Variants in KANK2 observed in about 807,000 individuals in gnomAD.
KANK2 encodes KN motif and ankyrin repeat domains 2.
In KANK2, 41 loss-of-function variants were observed where a neutral mutation model predicts 74.6. The observed-to-expected ratio is 0.55, with a 90% CI of 0.43 to 0.71. The LOEUF (loss-of-function observed/expected upper bound fraction) is 0.71. Ranked by LOEUF, KANK2 falls within the 30% of genes least tolerant of loss-of-function variation. The pLI, the probability that KANK2 is intolerant of heterozygous loss-of-function variation, is 0.00. For synonymous variants in KANK2, 537 were observed against 519.0 expected, an observed-to-expected ratio of 1.03 and a Z score of -0.47; for missense variants, 1,148 against 1,196.4, an observed-to-expected ratio of 0.96 and a Z score of 0.60.
rs747159035 is a variant in KANK2, at chr19:11,193,555, G to A, written c.525C>T (p.Ser175=). 5.6e-6 allele frequency: 9 copies of A among 1,603,050 alleles called. No individual in the cohort carries two copies. The African/African-American group carries it at 1.1e-4, about 19-fold the overall frequency. The change falls in exon 4 of 13, where the codon TCC becomes TCT. Residue 175 remains serine (S), a synonymous_variant. Transcript: ENST00000586659. This position sits in a 1 kb window ranked among gnomAD's most constrained non-coding sequence, Gnocchi z 9.6. ...GCCCGGCACTGGGAGGCACCGGTGT[G>A]GACAGTCCTGAACTCCGTGGTGTCG... ...PPPTPRSSGL[S]TPVPPSAGHL...
Position 11,193,304 on chromosome 19 carries a change from G to A in KANK2, c.776C>T (p.Pro259Leu), listed in dbSNP as rs200491322. 3 of 1,612,142 alleles carry A rather than the reference G, an allele frequency of 1.9e-6. No individual in the cohort carries two copies. The highest frequency in any genetic ancestry group is 2.5e-6 in the Non-Finnish European group (3 of 1,179,906). The change falls in exon 4 of 13, where the codon CCA becomes CTA. Residue 259 changes from proline (P) to leucine (L), a missense_variant. Pro to Leu is a moderately conservative substitution (Grantham distance 98). Transcript: ENST00000586659. This position sits in a 1 kb window ranked among gnomAD's most constrained non-coding sequence, Gnocchi z 9.6. ...CLDLPDPPED[P>L]VALETRSVGT... ...CACACTCCGGGTCTCCAGTGCCACTGGGTCCTCTGGGGGATCGGGGAGGTC... is the reference window on the plus strand; with the variant it reads ...CACACTCCGGGTCTCCAGTGCCACTAGGTCCTCTGGGGGATCGGGGAGGTC...
intron 4 of KANK2, among the ~76,000 whole-genome samples, chr19:11,180,634 G>A (rs1013211419): frequency 5.3e-5 from 8 of 152,106 alleles, no homozygotes; most frequent in African/African-American, 1.7e-4. Context: ...CTCATGAGTG[G>A]GGAACTGAGC....
Position 11,170,240 on chromosome 19 carries a change from C to A in KANK2, c.2220G>T (p.Gln740His), listed in dbSNP as rs776747613. ...GGCTGACGGCCAGCATCAGGGCCGT[C>A]TGTCCTGCCTGGGGAGGGCAAGGAA... ...NINAKASQAG[Q>H]TALMLAVSHG... is the part of the protein sequence containing the mutation. Residue 740 changes from glutamine (Q) to histidine (H), a missense_variant, in exon 11 of 13, where the codon CAG becomes CAT. Gln to His is a conservative substitution (Grantham distance 24). Transcript: ENST00000586659. This position sits in a 1 kb window ranked among gnomAD's most constrained non-coding sequence, Gnocchi z 5.2. The A allele has an allele frequency of 6.2e-7, 1 of 1,609,486 alleles. No homozygotes were observed. The highest frequency in any genetic ancestry group is 8.5e-7 in the Non-Finnish European group (1 of 1,179,982).
Position 11,194,418 on chromosome 19 carries a change from C to G in KANK2, c.37+57G>C, listed in dbSNP as rs1600828249. On this transcript the variant is annotated intron_variant, in intron 3 of 12. Coordinates refer to ENST00000586659, the MANE Select transcript of KANK2 (RefSeq NM_001136191.3). ...CCCAGGGCAAGGTCCCCAGCCCCCT[C>G]AGGCCTCCAGAACTGAAGCTCCCCG... is the stretch of plus-strand genomic sequence containing the variant. The G allele has an allele frequency of 8.4e-6, 12 of 1,425,018 alleles. No homozygotes were observed. In the East Asian group the frequency reaches 2.7e-4, roughly 32 times the overall value. The allele number at this position is 1,425,018 out of a possible 1,614,324, so 88.3% of individuals were successfully genotyped here.
chr19:11,197,839 C>CGGAACGGCTCGGCGGCGGGA (rs2079068438), upstream of KANK2: 1 of 151,908 alleles, frequency 6.6e-6, no homozygotes, highest in Admixed American at 6.6e-5. Context: ...CTGCGGGGGG[C>CGGAACGGCTCGGCGGCGGGA]GGAACGGCTC....
Position 11,181,116 on chromosome 19 carries a change from A to AAG in KANK2, c.1250-2397_1250-2396insCT, listed in dbSNP as rs2078504733. On this transcript the variant is annotated intron_variant, in intron 4 of 12. Transcript: ENST00000586659. ...AAAAAAAAAAAAAAAAAAAAAAAAA[A>AAG]TTCTGGGAGAGCCAAAAAATGAGGT... Among the ~76,000 whole-genome samples, 6 of 146,116 alleles carry AAG rather than the reference A, an allele frequency of 4.1e-5. 1 individual carries two copies. In the East Asian group the frequency reaches 1.2e-3, roughly 30 times the overall value.
intron 10 of KANK2, among the ~76,000 whole-genome samples, chr19:11,171,410 G>A (rs1600806696): frequency 6.6e-6 from 1 of 151,728 alleles, no homozygotes; most frequent in Non-Finnish European, 1.5e-5. Context: ...TTGCACCACT[G>A]CACTCCAGCC....
At position 11,166,334 on chromosome 19, in the gene KANK2, C is replaced by T. The variant is rs555281316; in HGVS notation, c.*224G>A. ...TATACAAGAATTTTGCTTCGGTCTGCGCTGTGGCCACTTTGAACAGGGGAG... is the reference window on the plus strand; with the variant it reads ...TATACAAGAATTTTGCTTCGGTCTGTGCTGTGGCCACTTTGAACAGGGGAG... On this transcript the variant is annotated 3_prime_UTR_variant, in exon 13 of 13. Coordinates refer to ENST00000586659, the MANE Select transcript of KANK2 (RefSeq NM_001136191.3). 3.9e-4 allele frequency: 216 copies of T among 555,410 alleles called. No individual in the cohort carries two copies. Among genetic ancestry groups the T allele is most frequent in the African/African-American group, 2.7e-4 (14 of 52,698 alleles). The allele number at this position is 555,410 out of a possible 1,614,324, so 34.4% of individuals were successfully genotyped here. A position where few individuals can be genotyped will look rare whatever the true frequency, so the allele number is the denominator to read the frequency against.
chr19:11,170,533 G>A lies in KANK2; in HGVS notation c.2212-285C>T, dbSNP rs1600806086. Reference sequence around the variant, plus strand: ...TGAAGAGAACGTTCTGGAACTAGACGGAGGTGTTGGTTGCACAACAGGGTG... The same window carrying A: ...TGAAGAGAACGTTCTGGAACTAGACAGAGGTGTTGGTTGCACAACAGGGTG... On this transcript the variant is annotated intron_variant, in intron 10 of 12. Coordinates refer to ENST00000586659, the MANE Select transcript of KANK2 (RefSeq NM_001136191.3). This position sits in a 1 kb window ranked among gnomAD's most constrained non-coding sequence, Gnocchi z 5.2. 8 of 509,792 alleles carry A rather than the reference G, an allele frequency of 1.6e-5. No homozygotes were observed. Among genetic ancestry groups the A allele is most frequent in the South Asian group, 6.8e-5 (3 of 44,006 alleles). 31.6% of individuals were successfully genotyped at this position (509,792 alleles called of 1,614,324 possible). A position where few individuals can be genotyped will look rare whatever the true frequency, so the allele number is the denominator to read the frequency against.
At chr19:11,180,518 G>A (rs2078484104) in intron 4 of KANK2, among the ~76,000 whole-genome samples, 2 of 152,096 alleles carry the variant, frequency 1.3e-5, no homozygotes, top group Non-Finnish European at 2.9e-5. Context: ...AGGGCCGGCT[G>A]CATGAGACAC....
rs199981469 is a variant in KANK2, at chr19:11,174,580, C to G, written c.1961G>C (p.Arg654Pro). The G allele has an allele frequency of 1.9e-6, 3 of 1,613,336 alleles. No individual in the cohort carries two copies. The highest frequency in any genetic ancestry group is 2.7e-5 in the African/African-American group (2 of 75,050). Residue 654 changes from arginine to proline, a missense_variant, in exon 9 of 13, where the codon CGG (arginine) becomes CCG (proline). By Grantham distance (103) the Arg-to-Pro change is moderately radical (BLOSUM62 -2). Coordinates refer to ENST00000586659, the MANE Select transcript of KANK2 (RefSeq NM_001136191.3). ...GATGTTGACCACGTAGTCCAGCAGC[C>G]GCGCAGACATGGCCCGGAACGTGAC... ...HLVTFRAMSA[R>P]LLDYVVNIAD...
At chr19:11,176,040 T>C in intron 7 of KANK2, 51 bp from the exon 8 acceptor site, 11 of 1,440,094 alleles carry the variant, frequency 7.6e-6, no homozygotes, top group South Asian at 1.2e-5. Context: ...CTGCGGTGCC[T>C]GGGAAGGGAC....
chr19:11,172,693 A>G (rs1334102686), intron 10 of KANK2, among the ~76,000 whole-genome samples: 3 of 152,188 alleles, frequency 2.0e-5, no homozygotes, highest in African/African-American at 4.8e-5. Context: ...TCAGGAGACC[A>G]TGCCTGCTTG....
At chr19:11,191,788 T>C (rs1459277563) in intron 4 of KANK2, among the ~76,000 whole-genome samples, 1 of 152,204 alleles carries the variant, frequency 6.6e-6, no homozygotes, top group Non-Finnish European at 1.5e-5. Flanking sequence ...GCCAGCGTGG[T>C]GGCTCATGCT....
At chr19:11,186,940 C>G (rs191057539) in intron 4 of KANK2, among the ~76,000 whole-genome samples, 1 of 152,044 alleles carries the variant, frequency 6.6e-6, no homozygotes, top group Non-Finnish European at 1.5e-5. Context: ...TTAGAAGTAA[C>G]CAGATACCTA....
At position 11,193,022 on chromosome 19, in the gene KANK2, C is replaced by G. The variant is rs749147289; in HGVS notation, c.1058G>C (p.Arg353Pro). ...ASTAAGAPAQ[R>P]AQSLEPYGTG... ...GCCGTAAGGCTCCAGGCTCTGGGCC[C>G]GCTGTGCGGGGGCGCCAGCGGCTGT... Residue 353 changes from arginine to proline, a missense_variant, in exon 4 of 13, where the codon CGG (arginine) becomes CCG (proline). Physicochemically the swap from Arg to Pro is moderately radical, Grantham distance 103 (BLOSUM62 -2). Transcript: ENST00000586659. This position sits in a 1 kb window ranked among gnomAD's most constrained non-coding sequence, Gnocchi z 9.6. 7 of 1,612,906 alleles carry G rather than the reference C, an allele frequency of 4.3e-6. No homozygotes were observed. The highest frequency in any genetic ancestry group is 4.0e-5 in the African/African-American group (3 of 74,916).
At position 11,172,739 on chromosome 19, in the gene KANK2, A is replaced by G. The variant is rs569944834; in HGVS notation, c.2211+242T>C. The stretch of plus-strand genomic sequence containing the variant: ...CAGTCCCCAGTTTTCGGCCCAGGGA[A>G]CCCAGCTGCTGCTCAATGAACTGTC... On this transcript the variant is annotated intron_variant, in intron 10 of 12. Coordinates refer to ENST00000586659, the MANE Select transcript of KANK2 (RefSeq NM_001136191.3). 3.9e-5 allele frequency among the ~76,000 whole-genome samples: 6 copies of G among 152,250 alleles called. No homozygotes were observed. In the East Asian group the frequency reaches 1.2e-3, roughly 29 times the overall value.
At chr19:11,181,088 CAAAAA>C (rs752985367) in intron 4 of KANK2, among the ~76,000 whole-genome samples, 1,190 of 24,056 alleles carry the variant, frequency 0.049, 27 homozygotes, top group African/African-American at 0.19. Context: ...CTCTTGTCTC[CAAAAA>C]AAAAAAAAAA....
intron 9 of KANK2, 93 bp from the exon 10 acceptor site, chr19:11,173,216 G>C: frequency 1.5e-6 from 2 of 1,372,892 alleles, no homozygotes; most frequent in East Asian, 2.3e-5. Context: ...ATCAGTCTAG[G>C]CATGCCCTAA....
Sources: allele counts gnomAD v4.1 joint callset (sites outside exome capture counted in the v4.1 genomes callset), GRCh38; gene constraint gnomAD v4.1.1; non-coding constraint Gnocchi (gnomAD v3.1); transcripts MANE v1.5; gene names NCBI Gene and HGNC (gene_info 2026-07-23, HGNC 2026-07-21).